CPA6: variants seen among roughly 807,000 people sequenced by gnomAD.
CPA6 encodes carboxypeptidase A6.
Under a neutral mutation model 63.3 loss-of-function variants are expected in CPA6, and 58 were observed. The ratio of observed to expected loss-of-function variants is 0.92; its 90% CI spans 0.74 to 1.14. The LOEUF (loss-of-function observed/expected upper bound fraction) is 1.14, where lower values mean the gene tolerates loss of function less well. Among genes scored for constraint, CPA6 ranks in the 50% most tolerant of loss-of-function variants. The pLI is 0.00. For synonymous variants in CPA6, 185 were observed against 179.0 expected, an observed-to-expected ratio of 1.03 and a Z score of -0.27; for missense variants, 565 against 526.6, an observed-to-expected ratio of 1.07 and a Z score of -0.71.
At chr8:67,673,377 AT>A (rs1554532385) in intron 1 of CPA6, among the ~76,000 whole-genome samples, 3 of 131,130 alleles carry the variant, frequency 2.3e-5, no homozygotes, top group African/African-American at 1.0e-4. Flanking sequence ...TATTATTATT[AT>A]TATTTATTTA....
At chr8:67,583,105 T>G (rs146431343) in intron 2 of CPA6, among the ~76,000 whole-genome samples, 14 of 149,162 alleles carry the variant, frequency 9.4e-5, no homozygotes, top group African/African-American at 3.2e-4. Context: ...CACGATGAAG[T>G]GGGGATCACG....
intron 2 of CPA6, among the ~76,000 whole-genome samples, chr8:67,621,541 A>C (rs559120188): frequency 5.9e-5 from 9 of 152,190 alleles, no homozygotes; most frequent in Non-Finnish European, 1.0e-4. Flanking sequence ...CCATGTTCCA[A>C]TCCCATACTG....
At chr8:67,686,165 C>G (rs530878751) in intron 1 of CPA6, among the ~76,000 whole-genome samples, 1 of 152,206 alleles carries the variant, frequency 6.6e-6, no homozygotes, top group Admixed American at 6.5e-5. Context: ...GCAAAATTCT[C>G]TCATGTTCTG....
intron 6 of CPA6, among the ~76,000 whole-genome samples, chr8:67,485,641 C>T (rs1019310737): frequency 6.6e-6 from 1 of 152,130 alleles, no homozygotes; most frequent in African/African-American, 2.4e-5. Flanking sequence ...TTTGGTATTT[C>T]ACTGTTACAA....
At chr8:67,600,712 A>T (rs748181302) in intron 2 of CPA6, among the ~76,000 whole-genome samples, 2 of 152,198 alleles carry the variant, frequency 1.3e-5, no homozygotes, top group Non-Finnish European at 2.9e-5. Context: ...AAAGGGTACA[A>T]GTGAGAGGCA....
At chr8:67,606,947 G>T (rs540068697) in intron 2 of CPA6, among the ~76,000 whole-genome samples, 14 of 152,150 alleles carry the variant, frequency 9.2e-5, no homozygotes, top group Non-Finnish European at 2.1e-4. Flanking sequence ...TTTATATTTT[G>T]GTCAGGTCTG....
chr8:67,533,203 A>G (rs973461960), intron 2 of CPA6, among the ~76,000 whole-genome samples: 3 of 152,182 alleles, frequency 2.0e-5, no homozygotes, highest in African/African-American at 4.8e-5. Flanking sequence ...CTCCATATCT[A>G]TATCCTGGAG....
chr8:67,424,818 C>T (rs746978986), intron 10 of CPA6, among the ~76,000 whole-genome samples: 1 of 152,302 alleles, frequency 6.6e-6, no homozygotes, highest in South Asian at 2.1e-4. Context: ...GTTTTCCCCT[C>T]AGATCCCGCT....
intron 2 of CPA6, among the ~76,000 whole-genome samples, chr8:67,594,123 C>T (rs1359187121): frequency 6.6e-6 from 1 of 151,870 alleles, no homozygotes; most frequent in South Asian, 2.1e-4. Flanking sequence ...TAAAGGATTT[C>T]ATTTCTCCTT....
intron 5 of CPA6, among the ~76,000 whole-genome samples, chr8:67,507,738 AAG>A (rs1781102402): frequency 6.6e-6 from 1 of 152,188 alleles, no homozygotes; most frequent in Non-Finnish European, 1.5e-5. Context: ...ATGGGAACAT[AAG>A]AGTGTTATGT....
chr8:67,714,042 T>G (rs577759958), intron 1 of CPA6, among the ~76,000 whole-genome samples: 1 of 152,296 alleles, frequency 6.6e-6, no homozygotes, highest in East Asian at 1.9e-4. Context: ...TTTTTAAATA[T>G]CAAGGTTAAA....
chr8:67,602,214 T>C (rs1476638972), intron 2 of CPA6, among the ~76,000 whole-genome samples: 1 of 152,210 alleles, frequency 6.6e-6, no homozygotes, highest in African/African-American at 2.4e-5. Flanking sequence ...TAATGTATTA[T>C]GTATATACCT....
chr8:67,589,173 C>T (rs931204248), intron 2 of CPA6, among the ~76,000 whole-genome samples: 5 of 151,384 alleles, frequency 3.3e-5, no homozygotes, highest in African/African-American at 9.7e-5. Flanking sequence ...GAAAGAAAAC[C>T]TTCAGGTGGT....
chr8:67,423,351 C>T (rs1410071282), intron 10 of CPA6, among the ~76,000 whole-genome samples: 4 of 152,226 alleles, frequency 2.6e-5, no homozygotes, highest in African/African-American at 9.6e-5. Context: ...TCCCAAAGTG[C>T]TGGGATTACA....
At chr8:67,620,780 A>G (rs1419284497) in intron 2 of CPA6, among the ~76,000 whole-genome samples, 2 of 152,202 alleles carry the variant, frequency 1.3e-5, no homozygotes, top group East Asian at 3.8e-4. Flanking sequence ...ATCCAATAAA[A>G]CTACCTCTTT....
At chr8:67,674,905 G>A (rs775868536) in intron 1 of CPA6, among the ~76,000 whole-genome samples, 2 of 152,166 alleles carry the variant, frequency 1.3e-5, no homozygotes, top group African/African-American at 4.8e-5. Flanking sequence ...ATAATTCTAA[G>A]TGAATTTACA....
chr8:67,587,937 G>C (rs1256294298), intron 2 of CPA6, among the ~76,000 whole-genome samples: 1 of 152,164 alleles, frequency 6.6e-6, no homozygotes, highest in Non-Finnish European at 1.5e-5. Context: ...TAATCGCATA[G>C]CTAGTGCCAT....
chr8:67,527,237 TATG>T (rs1475976663), intron 2 of CPA6, among the ~76,000 whole-genome samples: 1 of 152,250 alleles, frequency 6.6e-6, no homozygotes, highest in Non-Finnish European at 1.5e-5. Context: ...TCAACAACAG[TATG>T]ATATTGCATT....
At chr8:67,607,251 T>TCTTCTCCTCCTCCTC (rs1554679725) in intron 2 of CPA6, among the ~76,000 whole-genome samples, 20 of 81,110 alleles carry the variant, frequency 2.5e-4, no homozygotes, top group Non-Finnish European at 3.7e-4. Context: ...TTCTTCTTCT[T>TCTTCTCCTCCTCCTC]CTCCTCCTCC....
Sources: gnomAD v4.1 joint callset for allele counts (sites outside exome capture counted in the v4.1 genomes callset) on GRCh38, gnomAD v4.1.1 for gene constraint, MANE v1.5 for transcripts, NCBI Gene and HGNC (gene_info 2026-07-23, HGNC 2026-07-21) for gene names.